Variants in ANKS1B observed in about 807,000 individuals in gnomAD.
The protein encoded by ANKS1B is ankyrin repeat and sterile alpha motif domain containing 1B, also known as ankyrin repeat and sterile alpha motif domain-containing protein 1B.
In ANKS1B, 36 loss-of-function variants were observed where a neutral mutation model predicts 148.3. The ratio of observed to expected loss-of-function variants is 0.24; its 90% CI spans 0.19 to 0.32. ANKS1B has a LOEUF of 0.32. Ranked by LOEUF, ANKS1B falls within the 10% of genes least tolerant of loss-of-function variation. The probability of loss-of-function intolerance (pLI) is 1.00; values close to 1 mark genes in which losing one functional copy is unlikely to be tolerated. For missense variants in ANKS1B, 1,157 were observed against 1,542.6 expected (o/e 0.75, Z 4.19); for synonymous variants, 542 against 560.8 (o/e 0.97, Z 0.47).
At chr12:99,815,610 T>C (rs1309086213) in intron 2 of ANKS1B, among the ~76,000 whole-genome samples, 2 of 151,632 alleles carry the variant, frequency 1.3e-5, no homozygotes, top group African/African-American at 4.8e-5. Context: ...TGCACAATGT[T>C]TCCAGCGTGT....
chr12:99,273,599 C>T (rs1269868032), intron 12 of ANKS1B, among the ~76,000 whole-genome samples: 10 of 109,606 alleles, frequency 9.1e-5, no homozygotes, highest in African/African-American at 3.6e-4. Flanking sequence ...TTTTTTGAGA[C>T]GGAGTCTTGC....
At chr12:99,946,528 T>C (rs1331169616) in intron 1 of ANKS1B, among the ~76,000 whole-genome samples, 1 of 152,022 alleles carries the variant, frequency 6.6e-6, no homozygotes, top group African/African-American at 2.4e-5. Flanking sequence ...CATGACCTCA[T>C]CTAAACCTAA....
chr12:99,272,239 C>T (rs1441481034), intron 12 of ANKS1B, among the ~76,000 whole-genome samples: 9 of 152,056 alleles, frequency 5.9e-5, no homozygotes, highest in South Asian at 2.1e-4. Context: ...GAACTGTTGT[C>T]GAGCTTCAGA....
At chr12:99,169,520 A>C (rs73373864) in intron 14 of ANKS1B, among the ~76,000 whole-genome samples, 226 of 152,312 alleles carry the variant, frequency 1.5e-3, no homozygotes, top group African/African-American at 5.1e-3. Flanking sequence ...GACTGACATA[A>C]GGCACATACT....
intron 10 of ANKS1B, among the ~76,000 whole-genome samples, chr12:99,494,681 C>T (rs1418431500): frequency 4.5e-5 from 6 of 134,150 alleles, no homozygotes; most frequent in Admixed American, 4.2e-4. Context: ...TGTAGTGAGC[C>T]GAGATCGTGC....
At chr12:98,903,000 T>A (rs1055253625) in intron 17 of ANKS1B, among the ~76,000 whole-genome samples, 1 of 152,142 alleles carries the variant, frequency 6.6e-6, no homozygotes, top group African/African-American at 2.4e-5. Context: ...ATGATTTTAT[T>A]TTTTTCTCTA....
chr12:99,789,933 G>C (rs756053097), intron 4 of ANKS1B, among the ~76,000 whole-genome samples: 1 of 151,306 alleles, frequency 6.6e-6, no homozygotes, highest in African/African-American at 2.5e-5. Flanking sequence ...AATAGTTAGG[G>C]GTAGAAGGTT....
chr12:99,636,113 A>AT (rs1336220388), intron 9 of ANKS1B, among the ~76,000 whole-genome samples: 5 of 152,090 alleles, frequency 3.3e-5, no homozygotes, highest in Non-Finnish European at 7.4e-5. Flanking sequence ...CTTTTAAAAT[A>AT]TTTTTAACAG....
At chr12:98,837,494 G>A (rs1404691810) in intron 17 of ANKS1B, among the ~76,000 whole-genome samples, 1 of 152,192 alleles carries the variant, frequency 6.6e-6, no homozygotes, top group African/African-American at 2.4e-5. Context: ...ATTCATCACA[G>A]CAGTAGCCGC....
At chr12:98,781,300 T>A in intron 23 of ANKS1B, 97 bp from the exon 24 acceptor site, 1 of 704,560 alleles carries the variant, frequency 1.4e-6, no homozygotes, top group Non-Finnish European at 2.6e-6. Flanking sequence ...GAGCTCAAAT[T>A]AAAAACAACA....
intron 17 of ANKS1B, chr12:98,895,360 G>C: frequency 3.1e-6 from 3 of 967,996 alleles, no homozygotes; most frequent in Non-Finnish European, 3.7e-6. Context: ...GCAGCGGCGC[G>C]GCTCCGCGGG....
At chr12:99,296,620 CATTA>C (rs1389717621) in intron 12 of ANKS1B, among the ~76,000 whole-genome samples, 29 of 152,204 alleles carry the variant, frequency 1.9e-4, no homozygotes, top group African/African-American at 5.3e-4. Flanking sequence ...GACTTAACAG[CATTA>C]ATTATCATCA....
Position 99,622,228 on chromosome 12 carries a change from G to A in ANKS1B, c.1272+32839C>T, listed in dbSNP as rs187218729. 2.4e-3 allele frequency among the ~76,000 whole-genome samples: 367 copies of A among 152,066 alleles called. 8 individuals carry two copies. In the South Asian group the frequency reaches 0.046, roughly 19 times the overall value. On this transcript the variant is annotated intron_variant, in intron 9 of 26. Coordinates refer to ENST00000683438, the MANE Select transcript of ANKS1B (RefSeq NM_001352186.2). ...AGACACAACATACCAAAATCTCTGG[G>A]ATGCAGCAAAAGCACTGTTAGTAGG... is the stretch of plus-strand genomic sequence containing the variant.
At chr12:99,893,110 T>G (rs1476650357) in intron 1 of ANKS1B, among the ~76,000 whole-genome samples, 1 of 151,986 alleles carries the variant, frequency 6.6e-6, no homozygotes, top group African/African-American at 2.4e-5. Context: ...GGGGGTTGAT[T>G]TAAAAATTGA....
intron 14 of ANKS1B, among the ~76,000 whole-genome samples, chr12:99,208,008 T>A (rs2082888058): frequency 1.3e-5 from 2 of 152,238 alleles, no homozygotes; most frequent in Admixed American, 1.3e-4. Context: ...TATACTGATA[T>A]AAAACTAGAA....
Position 98,829,480 on chromosome 12 carries a change from T to C in ANKS1B, c.2887-127A>G, listed in dbSNP as rs2099276736. On this transcript the variant is annotated intron_variant, in intron 18 of 26. Transcript: ENST00000683438. This position sits in a 1 kb window ranked among gnomAD's most constrained non-coding sequence, Gnocchi z 5.2. ...CGCTTTTGAAGCAACAGCCAAGGAA[T>C]GAATGACATTCCACCACTTTATTAA... is the stretch of plus-strand genomic sequence containing the variant. 2 of 809,046 alleles carry C rather than the reference T, an allele frequency of 2.5e-6. No homozygotes were observed. Among genetic ancestry groups the C allele is most frequent in the African/African-American group, 3.5e-5 (2 of 57,250 alleles). The allele number at this position is 809,046 out of a possible 1,614,324, so 50.1% of individuals were successfully genotyped here. A position where few individuals can be genotyped will look rare whatever the true frequency, so the allele number is the denominator to read the frequency against.
intron 17 of ANKS1B, among the ~76,000 whole-genome samples, chr12:99,024,071 T>C (rs2099947372): frequency 6.6e-6 from 1 of 151,898 alleles, no homozygotes. Flanking sequence ...GGCACACTAT[T>C]GTTATCAGTG....
At position 99,708,965 on chromosome 12, in the gene ANKS1B, T is replaced by A. The variant is rs572437204; in HGVS notation, c.1129-53755A>T. On this transcript the variant is annotated intron_variant, in intron 8 of 26. Coordinates refer to ENST00000683438, the MANE Select transcript of ANKS1B (RefSeq NM_001352186.2). ...ATATACAAAGCCATCTAAAATACAA[T>A]AAATGTAAATTAATTAGAGATTGAA... Among the ~76,000 whole-genome samples, 233 of 152,256 alleles carry A rather than the reference T, an allele frequency of 1.5e-3. 3 individuals are homozygous for A. In the Middle Eastern group the frequency reaches 0.017, roughly 11 times the overall value.
intron 1 of ANKS1B, among the ~76,000 whole-genome samples, chr12:99,924,516 C>T (rs10860539): frequency 0.089 from 13,599 of 152,060 alleles, 677 homozygotes; most frequent in African/African-American, 0.12. Flanking sequence ...ATTAACACTG[C>T]TATGGTATGA....
Sources: gnomAD v4.1 joint callset for allele counts (sites outside exome capture counted in the v4.1 genomes callset) on GRCh38, gnomAD v4.1.1 for gene constraint, Gnocchi (gnomAD v3.1) non-coding constraint, MANE v1.5 for transcripts, NCBI Gene and HGNC (gene_info 2026-07-23, HGNC 2026-07-21) for gene names.